Variants in ZCWPW1 observed in about 807,000 individuals in gnomAD.
ZCWPW1 encodes the protein zinc finger CW-type and PWWP domain containing 1.
Under a neutral mutation model 81.3 loss-of-function variants are expected in ZCWPW1, and 56 were observed. The ratio of observed to expected loss-of-function variants is 0.69; its 90% CI spans 0.56 to 0.86. ZCWPW1 has a LOEUF of 0.86. Ranked by LOEUF, ZCWPW1 falls within the 40% of genes least tolerant of loss-of-function variation. The probability of loss-of-function intolerance (pLI) is 0.00; values close to 1 mark genes in which losing one functional copy is unlikely to be tolerated. For missense variants in ZCWPW1, 650 were observed against 769.8 expected (o/e 0.84, Z 1.84); for synonymous variants, 250 against 273.7 (o/e 0.91, Z 0.86).
rs1563142759 is a variant in ZCWPW1 at position 100,417,097 on chromosome 7, C to G, written c.448G>C (p.Ala150Pro). The change falls in exon 6 of 18, where the codon GCT becomes CCT. Residue 150 changes from alanine (A) to proline (P), a missense_variant. Physicochemically the swap from Ala to Pro is conservative, Grantham distance 27 (BLOSUM62 -1). Transcript: ENST00000684423. ...GCATTATCAGTATCAGTAGCAGAAG[C>G]AGTAATTCCTGGCTCCTTGTCTGAT... The part of the protein sequence containing the change: ...TQSDKEPGIT[A>P]SATDTDNANG... The G allele has an allele frequency of 6.2e-7, 1 of 1,614,060 alleles. No homozygotes were observed.
At chr7:100,426,864 C>G (rs1308898701) in intron 1 of ZCWPW1, among the ~76,000 whole-genome samples, 7 of 61,094 alleles carry the variant, frequency 1.1e-4, no homozygotes, top group African/African-American at 5.0e-4. Flanking sequence ...CCTTCCTACC[C>G]CCCTCCCCCT....
rs771228931 is a variant in ZCWPW1 at position 100,416,345 on chromosome 7, TTTC to T, written c.588_590del (p.Lys197del). ...TTTTGCTTAAGGTGAGTCTATTGGA[TTTC>T]TTCTTAGAGGGTGCAGGATCTGGCT... On this transcript the variant is annotated inframe_deletion, in exon 7 of 18. Coordinates refer to ENST00000684423, the MANE Select transcript of ZCWPW1 (RefSeq NM_001386010.1). The T allele has an allele frequency of 4.3e-6, 7 of 1,614,156 alleles. No homozygotes were observed. Among genetic ancestry groups the T allele is most frequent in the Non-Finnish European group, 5.9e-6 (7 of 1,180,016 alleles).
intron 1 of ZCWPW1, among the ~76,000 whole-genome samples, chr7:100,426,861 AC>A (rs1237565168): frequency 4.6e-4 from 6 of 13,126 alleles, no homozygotes; most frequent in Admixed American, 9.3e-4. Context: ...TCTCCTTCCT[AC>A]CCCCCTCCCC....
intron 5 of ZCWPW1, among the ~76,000 whole-genome samples, chr7:100,418,371 C>G (rs1795739217): frequency 1.3e-5 from 2 of 152,300 alleles, no homozygotes; most frequent in African/African-American, 2.4e-5. Context: ...AAATTTAGGG[C>G]CAGGCACTGT....
intron 16 of ZCWPW1, 142 bp downstream of exon 16, chr7:100,402,374 T>C (rs546689559): frequency 2.1e-6 from 2 of 963,272 alleles, no homozygotes; most frequent in South Asian, 2.6e-5. Flanking sequence ...CAGCTCCCCA[T>C]GACACTATGG....
In ZCWPW1 at chr7:100,416,944, T is replaced by G. The variant is rs375599219; in HGVS notation, c.479+122A>C. The G allele has an allele frequency of 5.4e-6, 4 of 735,570 alleles. No individual in the cohort carries two copies. In the South Asian group the frequency reaches 5.5e-5, roughly 10 times the overall value. 45.6% of individuals were successfully genotyped at this position (735,570 alleles called of 1,614,324 possible). ...CTGGGCGACAGAGCGAGACTCCGTC[T>G]CAAAAAAAAAAAAAAAAAGAAATAT... On this transcript the variant is annotated intron_variant, in intron 6 of 17. Transcript: ENST00000684423.
At chr7:100,409,260 T>C (rs192626783) in intron 9 of ZCWPW1, among the ~76,000 whole-genome samples, 168 bp downstream of exon 9, 7 of 152,322 alleles carry the variant, frequency 4.6e-5, no homozygotes, top group African/African-American at 1.2e-4. Flanking sequence ...CAGCCTTTTC[T>C]GCCCAGATTC....
At chr7:100,412,930 C>T (rs1052238902) in intron 8 of ZCWPW1, among the ~76,000 whole-genome samples, 102 of 152,114 alleles carry the variant, frequency 6.7e-4, no homozygotes, top group African/African-American at 2.2e-3. Context: ...CTCTGTTACC[C>T]ATGCTGGAGT....
At chr7:100,415,552 T>A (rs532566732) in intron 8 of ZCWPW1, among the ~76,000 whole-genome samples, 18 of 152,278 alleles carry the variant, frequency 1.2e-4, no homozygotes, top group Non-Finnish European at 2.4e-4. Flanking sequence ...TGAGCTTATG[T>A]TTATCCTCTT....
Position 100,407,137 on chromosome 7 carries a change from A to G in ZCWPW1, c.1068+91T>C, listed in dbSNP as rs984477078. On this transcript the variant is annotated intron_variant, in intron 11 of 17. Coordinates refer to ENST00000684423, the MANE Select transcript of ZCWPW1 (RefSeq NM_001386010.1). Reference sequence around the variant, plus strand: ...CTGTTTTCACTTGTGTCTGCTGGCTATGTCCATGTCTCTTATCTGTACGTC... The same window carrying G: ...CTGTTTTCACTTGTGTCTGCTGGCTGTGTCCATGTCTCTTATCTGTACGTC... 3 of 1,199,512 alleles carry G rather than the reference A, an allele frequency of 2.5e-6. No individual in the cohort carries two copies. The African/African-American group carries it at 4.5e-5, about 18-fold the overall frequency. 74.3% of individuals were successfully genotyped at this position (1,199,512 alleles called of 1,614,324 possible).
intron 1 of ZCWPW1, among the ~76,000 whole-genome samples, chr7:100,427,621 C>T (rs1197557163): frequency 3.3e-5 from 5 of 151,604 alleles, no homozygotes; most frequent in Non-Finnish European, 5.9e-5. Flanking sequence ...ATCGCTTGAA[C>T]CCAGGAGGTG....
intron 17 of ZCWPW1, 37 bp from the exon 18 acceptor site, chr7:100,401,373 G>T: frequency 6.7e-7 from 1 of 1,496,450 alleles, no homozygotes; most frequent in Non-Finnish European, 8.9e-7. Flanking sequence ...AGTCCTATTA[G>T]GTCAGCCTGT....
At chr7:100,426,295 A>G (rs563326283) in intron 1 of ZCWPW1, among the ~76,000 whole-genome samples, 58 of 152,248 alleles carry the variant, frequency 3.8e-4, no homozygotes, top group African/African-American at 1.2e-3. Context: ...GGAGTTCAAG[A>G]CCAGCCTGAC....
At chr7:100,416,804 G>A (rs1002600283) in intron 6 of ZCWPW1, among the ~76,000 whole-genome samples, 2 of 152,078 alleles carry the variant, frequency 1.3e-5, no homozygotes, top group African/African-American at 4.8e-5. Flanking sequence ...AAATTAGCCG[G>A]GTGTGGTGGC....
Position 100,402,086 on chromosome 7 carries a change from C to G in ZCWPW1, c.1475-45G>C, listed in dbSNP as rs117925237. ...GTTTATTTCTCTCTAAACGACAACT[C>G]GGCAAGGGCAGATGGACACTGCACA... On this transcript the variant is annotated intron_variant, in intron 16 of 17. Transcript: ENST00000684423. 4,401 of 1,567,380 alleles carry G rather than the reference C, an allele frequency of 2.8e-3. 12 individuals are homozygous for G. Among genetic ancestry groups the G allele is most frequent in the Non-Finnish European group, 2.8e-3 (3,270 of 1,155,392 alleles).
intron 2 of ZCWPW1, among the ~76,000 whole-genome samples, chr7:100,423,190 G>C (rs1461639197): frequency 6.6e-6 from 1 of 152,166 alleles, no homozygotes; most frequent in Non-Finnish European, 1.5e-5. Flanking sequence ...ATATATTGTT[G>C]AGCTTAGATG....
intron 8 of ZCWPW1, 72 bp from the exon 9 acceptor site, chr7:100,409,616 G>C: frequency 8.9e-7 from 1 of 1,118,532 alleles, no homozygotes; most frequent in Non-Finnish European, 1.3e-6. Flanking sequence ...CTAAAATCAG[G>C]ATAACCCTCC....
intron 1 of ZCWPW1, among the ~76,000 whole-genome samples, chr7:100,426,892 CCCT>C (rs1409004162): frequency 1.9e-5 from 1 of 51,724 alleles, no homozygotes; most frequent in African/African-American, 8.7e-5. Context: ...TCCCTGCTTC[CCCT>C]CCTTCTTCCT....
chr7:100,427,378 T>C (rs1201217805), intron 1 of ZCWPW1, among the ~76,000 whole-genome samples: 2 of 148,830 alleles, frequency 1.3e-5, no homozygotes, highest in South Asian at 2.1e-4. Context: ...GCCTGGCCAA[T>C]ACGGTGAAAC....
Sources: allele counts gnomAD v4.1 joint callset (sites outside exome capture counted in the v4.1 genomes callset), GRCh38; gene constraint gnomAD v4.1.1; transcripts MANE v1.5; gene names NCBI Gene and HGNC (gene_info 2026-07-23, HGNC 2026-07-21).